Variants in FHIT observed in about 807,000 individuals in gnomAD.
The protein encoded by FHIT is fragile histidine triad diadenosine triphosphatase.
FHIT carries 19 observed loss-of-function variants against 17.9 expected under a neutral mutation model. That is an observed-to-expected ratio of 1.06 (90% CI 0.74 to 1.56). The LOEUF (loss-of-function observed/expected upper bound fraction) is 1.56. FHIT is among the 40% of genes most tolerant of loss of function. The pLI is 0.00. For missense variants in FHIT, 248 were observed against 189.2 expected (o/e 1.31, Z -1.82); for synonymous variants, 81 against 69.7 (o/e 1.16, Z -0.81).
intron 4 of FHIT, among the ~76,000 whole-genome samples, chr3:60,640,677 T>C (rs1262817540): frequency 2.0e-5 from 3 of 152,190 alleles, no homozygotes; most frequent in African/African-American, 7.2e-5. Flanking sequence ...GGATGTCATA[T>C]GGCTTATGAT....
chr3:61,023,650 T>C (rs746270048), intron 3 of FHIT, among the ~76,000 whole-genome samples: 1 of 151,936 alleles, frequency 6.6e-6, no homozygotes, highest in African/African-American at 2.4e-5. Context: ...CCAAAACAGA[T>C]ATATAGACCA....
intron 8 of FHIT, among the ~76,000 whole-genome samples, chr3:59,765,963 A>C (rs1204537194): frequency 1.3e-5 from 2 of 152,328 alleles, no homozygotes; most frequent in East Asian, 3.9e-4. Context: ...GTTTAAAAAA[A>C]TTCCCTAAAG....
At chr3:60,748,927 T>C (rs778624635) in intron 4 of FHIT, among the ~76,000 whole-genome samples, 2 of 152,204 alleles carry the variant, frequency 1.3e-5, no homozygotes, top group Non-Finnish European at 2.9e-5. Context: ...AAAAAGTCTA[T>C]ACATGTTCAG....
intron 5 of FHIT, among the ~76,000 whole-genome samples, chr3:60,019,616 C>T (rs1213407094): frequency 6.6e-6 from 1 of 152,032 alleles, no homozygotes; most frequent in Non-Finnish European, 1.5e-5. Flanking sequence ...TGGGGTTTCT[C>T]CACGTTGGTC....
At chr3:60,678,089 T>C (rs1171076837) in intron 4 of FHIT, among the ~76,000 whole-genome samples, 2 of 152,172 alleles carry the variant, frequency 1.3e-5, no homozygotes, top group African/African-American at 4.8e-5. Context: ...TTTGTTCATC[T>C]TTTCAAAAAA....
chr3:60,463,158 T>C (rs998732300), intron 5 of FHIT, among the ~76,000 whole-genome samples: 3 of 152,208 alleles, frequency 2.0e-5, no homozygotes, highest in Non-Finnish European at 4.4e-5. Context: ...GCAACAGATA[T>C]ATCACATCAT....
intron 5 of FHIT, among the ~76,000 whole-genome samples, chr3:60,109,557 C>A (rs984214460): frequency 8.5e-5 from 13 of 152,154 alleles, no homozygotes; most frequent in African/African-American, 3.1e-4. Context: ...CAAATCCCAA[C>A]AGGTCCAGCA....
intron 3 of FHIT, among the ~76,000 whole-genome samples, chr3:60,970,468 G>A (rs936866389): frequency 6.6e-6 from 1 of 151,872 alleles, no homozygotes; most frequent in East Asian, 1.9e-4. Context: ...ATATAATTAA[G>A]GTTATATTTA....
intron 8 of FHIT, among the ~76,000 whole-genome samples, chr3:59,762,654 A>G (rs1701582037): frequency 6.6e-6 from 1 of 152,254 alleles, no homozygotes; most frequent in African/African-American, 2.4e-5. Context: ...CATGGGTGGT[A>G]AAACAGCATA....
chr3:60,710,664 T>C (rs575990742), intron 4 of FHIT, among the ~76,000 whole-genome samples: 2 of 152,306 alleles, frequency 1.3e-5, no homozygotes, highest in East Asian at 1.9e-4. Context: ...GGAGTCTCAC[T>C]GATTGCTAGC....
At chr3:59,827,102 G>A (rs1701004713) in intron 8 of FHIT, among the ~76,000 whole-genome samples, 1 of 152,172 alleles carries the variant, frequency 6.6e-6, no homozygotes, top group Admixed American at 6.5e-5. Context: ...CTGACTTCAT[G>A]CCATGCAGTG....
intron 5 of FHIT, among the ~76,000 whole-genome samples, chr3:60,419,087 G>T (rs898432762): frequency 2.4e-4 from 37 of 152,144 alleles, no homozygotes; most frequent in African/African-American, 8.4e-4. Context: ...AGAGCACAGT[G>T]GTTTGGAACA....
At chr3:60,014,284 A>G (rs1170984269) in intron 5 of FHIT, 132 bp from the exon 6 acceptor site, 1 of 795,374 alleles carries the variant, frequency 1.3e-6, no homozygotes, top group Non-Finnish European at 2.0e-6. Flanking sequence ...GAAGAAACAG[A>G]TATTTACCAT....
intron 5 of FHIT, among the ~76,000 whole-genome samples, chr3:60,287,924 C>T (rs1225915790): frequency 2.1e-4 from 1 of 4,730 alleles, no homozygotes; most frequent in Non-Finnish European, 3.6e-4. Flanking sequence ...AAATTAACCC[C>T]TAAAATTCAG....
At chr3:59,792,074 C>T (rs1017581183) in intron 8 of FHIT, among the ~76,000 whole-genome samples, 1 of 142,432 alleles carries the variant, frequency 7.0e-6, no homozygotes, top group African/African-American at 2.5e-5. Flanking sequence ...TAGTCTATGT[C>T]TTGGTTTTAA....
chr3:60,467,247 CT>C (rs34668248), intron 5 of FHIT, among the ~76,000 whole-genome samples: 75,871 of 151,450 alleles, frequency 0.5, 21,575 homozygotes, highest in African/African-American at 0.77. Flanking sequence ...TGGGTCTTCT[CT>C]TTTTTTCTGA....
intron 5 of FHIT, among the ~76,000 whole-genome samples, chr3:60,362,611 TGA>T (rs1176777198): frequency 6.6e-6 from 1 of 152,216 alleles, no homozygotes; most frequent in Admixed American, 6.5e-5. Context: ...ATGAGAAACA[TGA>T]GATACATTTT....
At chr3:60,520,729 GGAGC>G (rs2035325882) in intron 5 of FHIT, among the ~76,000 whole-genome samples, 1 of 152,090 alleles carries the variant, frequency 6.6e-6, no homozygotes, top group Admixed American at 6.5e-5. Context: ...TGTGGGTGGA[GGAGC>G]GAGACACTTA....
At chr3:60,691,119 T>C (rs1014019567) in intron 4 of FHIT, among the ~76,000 whole-genome samples, 1 of 149,768 alleles carries the variant, frequency 6.7e-6, no homozygotes, top group Admixed American at 6.6e-5. Flanking sequence ...CAATTTTTGT[T>C]TTTTGGTATC....
Sources: allele counts gnomAD v4.1 joint callset (sites outside exome capture counted in the v4.1 genomes callset), GRCh38; gene constraint gnomAD v4.1.1; transcripts MANE v1.5; gene names NCBI Gene and HGNC (gene_info 2026-07-23, HGNC 2026-07-21).